CAPZB: variants seen among roughly 807,000 people sequenced by gnomAD.
CAPZB encodes the protein capping actin protein of muscle Z-line subunit beta, also known as F-actin-capping protein subunit beta.
In CAPZB, 2 loss-of-function variants were observed where a neutral mutation model predicts 38.1. The ratio of observed to expected loss-of-function variants is 0.05; its 90% confidence interval spans 0.02 to 0.17. The LOEUF is 0.17. Ranked by LOEUF, CAPZB falls within the 10% of genes least tolerant of loss-of-function variation. The pLI is 1.00. For missense variants in CAPZB, 161 were observed against 334.2 expected (o/e 0.48, Z 4.04); for synonymous variants, 107 against 127.4 (o/e 0.84, Z 1.08).
At chr1:19,379,092 T>TTTTTC (rs1553273261) in intron 3 of CAPZB, among the ~76,000 whole-genome samples, 1 of 131,114 alleles carries the variant, frequency 7.6e-6, no homozygotes, top group African/African-American at 3.1e-5. Context: ...ACCTATTTTT[T>TTTTTC]TTTCTTTCTT....
At chr1:19,480,512 C>A (rs958145648) in intron 1 of CAPZB, among the ~76,000 whole-genome samples, 1 of 152,300 alleles carries the variant, frequency 6.6e-6, no homozygotes, top group South Asian at 2.1e-4. Context: ...ATGTAGCTGG[C>A]GCTAAGTGCC....
chr1:19,339,369 C>G lies in CAPZB; in HGVS notation c.*161G>C. 1.5e-6 allele frequency: 1 copy of G among 679,416 alleles called. No homozygotes were observed. Among genetic ancestry groups the G allele is most frequent in the South Asian group, 1.7e-5 (1 of 58,462 alleles). The allele number at this position is 679,416 out of a possible 1,614,324, so 42.1% of individuals were successfully genotyped here. ...CTCGGAGCCGGAGGAGGGTGGCTAT[C>G]GGCTTTATTCTCAGGGAGAGATGGC... is the stretch of plus-strand genomic sequence containing the variant. On this transcript the variant is annotated 3_prime_UTR_variant, in exon 9 of 9. Transcript: ENST00000264202.
intron 3 of CAPZB, among the ~76,000 whole-genome samples, chr1:19,379,716 G>T (rs946019536): frequency 9.2e-5 from 14 of 152,176 alleles, no homozygotes; most frequent in African/African-American, 3.4e-4. Flanking sequence ...AATGTATTTT[G>T]CCACATCAGG....
intron 2 of CAPZB, among the ~76,000 whole-genome samples, chr1:19,386,494 T>G (rs1236120402): frequency 2.0e-5 from 3 of 152,224 alleles, no homozygotes; most frequent in Non-Finnish European, 4.4e-5. Context: ...CTCCACCATA[T>G]CGTTTACCAG....
At chr1:19,351,383 C>T (rs922550217) in intron 6 of CAPZB, among the ~76,000 whole-genome samples, 2 of 152,078 alleles carry the variant, frequency 1.3e-5, no homozygotes, top group African/African-American at 4.8e-5. Context: ...TCATAGCTCA[C>T]TATAACCTCA....
chr1:19,439,846 T>C (rs2094469951), intron 1 of CAPZB, among the ~76,000 whole-genome samples: 1 of 152,178 alleles, frequency 6.6e-6, no homozygotes, highest in African/African-American at 2.4e-5. Context: ...CCACCTCTTA[T>C]TCCCGTGAGA....
chr1:19,466,603 GC>G (rs1481531009), intron 1 of CAPZB, among the ~76,000 whole-genome samples: 1 of 152,118 alleles, frequency 6.6e-6, no homozygotes, highest in Non-Finnish European at 1.5e-5. Context: ...AGAAAAAGAG[GC>G]ATGGGGGATC....
chr1:19,366,040 A>C (rs553983921), intron 4 of CAPZB, among the ~76,000 whole-genome samples: 2 of 138,440 alleles, frequency 1.4e-5, no homozygotes, highest in African/African-American at 5.0e-5. Context: ...AACAGCTCCA[A>C]CATGTAAGAT....
intron 1 of CAPZB, among the ~76,000 whole-genome samples, chr1:19,442,983 C>T (rs1052109149): frequency 3.3e-5 from 5 of 152,130 alleles, no homozygotes; most frequent in African/African-American, 4.8e-5. Flanking sequence ...GGAGTGAACA[C>T]GTAGATGTCT....
chr1:19,392,453 T>C (rs1456381829), intron 2 of CAPZB, among the ~76,000 whole-genome samples: 3 of 147,386 alleles, frequency 2.0e-5, no homozygotes, highest in Non-Finnish European at 4.5e-5. Flanking sequence ...TGAGACCCAG[T>C]GAGGCAGCAC....
chr1:19,434,824 T>C (rs2094452922), intron 1 of CAPZB, among the ~76,000 whole-genome samples: 1 of 151,680 alleles, frequency 6.6e-6, no homozygotes, highest in African/African-American at 2.4e-5. Context: ...GAGGCTGAGG[T>C]GGGAGGACAG....
intron 8 of CAPZB, 115 bp from the exon 9 acceptor site, chr1:19,339,732 G>T: frequency 1.2e-6 from 1 of 819,544 alleles, no homozygotes; most frequent in Non-Finnish European, 2.1e-6. Context: ...CCGCTTCCTG[G>T]GGTGAGGCTC....
chr1:19,389,205 G>A (rs1020789931), intron 2 of CAPZB, among the ~76,000 whole-genome samples: 2 of 152,014 alleles, frequency 1.3e-5, no homozygotes, highest in Admixed American at 6.6e-5. Flanking sequence ...CACTGATCCC[G>A]TCTCATACCC....
intron 1 of CAPZB, among the ~76,000 whole-genome samples, chr1:19,425,102 T>C (rs1323700286): frequency 3.3e-5 from 5 of 152,334 alleles, no homozygotes; most frequent in Non-Finnish European, 7.4e-5. Context: ...CTCCCTCACA[T>C]GGCTACAAAA....
chr1:19,446,249 A>G (rs1037021997), intron 1 of CAPZB, among the ~76,000 whole-genome samples: 1 of 152,262 alleles, frequency 6.6e-6, no homozygotes, highest in African/African-American at 2.4e-5. Flanking sequence ...CACTGCGTGC[A>G]GGAAAACTGA....
rs547803012 is a variant in CAPZB, at chr1:19,365,525, G to A, written c.330-7962C>T. 2.0e-5 allele frequency among the ~76,000 whole-genome samples: 3 copies of A among 152,216 alleles called. No individual in the cohort carries two copies. The East Asian group carries it at 5.8e-4, about 29-fold the overall frequency. On this transcript the variant is annotated intron_variant, in intron 4 of 8. Coordinates refer to ENST00000264202, the MANE Select transcript of CAPZB (RefSeq NM_004930.5). ...TGGTCTGGGCACTTTTTTCATGTTG[G>A]AGTCAGTATAAAGATGGAAACCAGG...
In CAPZB at chr1:19,409,328, G is replaced by A. The variant is rs144597670; in HGVS notation, c.93+10333C>T. Among the ~76,000 whole-genome samples, 3 of 152,096 alleles carry A rather than the reference G, an allele frequency of 2.0e-5. No homozygotes were observed. In the East Asian group the frequency reaches 5.8e-4, roughly 29 times the overall value. On this transcript the variant is annotated intron_variant, in intron 2 of 8. Coordinates refer to ENST00000264202, the MANE Select transcript of CAPZB (RefSeq NM_004930.5). ...CCACTTCATTAGAAAGTCACGAAATGTGCAGGTCACAGTCCAACAAGAAAC... is the reference window on the plus strand; with the variant it reads ...CCACTTCATTAGAAAGTCACGAAATATGCAGGTCACAGTCCAACAAGAAAC...
At chr1:19,339,855 A>G (rs931263449) in intron 8 of CAPZB, among the ~76,000 whole-genome samples, 2 of 152,172 alleles carry the variant, frequency 1.3e-5, no homozygotes, top group Non-Finnish European at 2.9e-5. Context: ...TATGGCTTAC[A>G]TGGACAGGTG....
rs549154953 is a variant in CAPZB, at chr1:19,469,935, A to G, written c.3+15501T>C. Reference sequence around the variant, plus strand: ...ACTGTGCTTCACTCAACACTAGCACATCTTCCAAACTACAACACCGTCTTC... The same window carrying G: ...ACTGTGCTTCACTCAACACTAGCACGTCTTCCAAACTACAACACCGTCTTC... On this transcript the variant is annotated intron_variant, in intron 1 of 8. Coordinates refer to ENST00000264202, the MANE Select transcript of CAPZB (RefSeq NM_004930.5). 5.3e-5 allele frequency among the ~76,000 whole-genome samples: 8 copies of G among 152,298 alleles called. No homozygotes were observed. The East Asian group carries it at 1.2e-3, about 22-fold the overall frequency.
Sources: gnomAD v4.1 joint callset for allele counts (sites outside exome capture counted in the v4.1 genomes callset) on GRCh38, gnomAD v4.1.1 for gene constraint, MANE v1.5 for transcripts, NCBI Gene and HGNC (gene_info 2026-07-23, HGNC 2026-07-21) for gene names.